The following IRF2 variants were observed in gnomAD, a reference collection of about 807,000 sequenced individuals.
IRF2 encodes the protein interferon regulatory factor 2.
In IRF2, 15 loss-of-function variants were observed where a neutral mutation model predicts 40.6. The observed-to-expected ratio is 0.37, with a 90% CI of 0.25 to 0.57. The LOEUF (loss-of-function observed/expected upper bound fraction) is 0.57. Ranked by LOEUF, IRF2 falls within the 20% of genes least tolerant of loss-of-function variation. The pLI is 0.77. For missense variants in IRF2, 317 were observed against 455.7 expected (o/e 0.70, Z 2.77); for synonymous variants, 151 against 165.5 (o/e 0.91, Z 0.67).
At chr4:184,403,350 C>T (rs1736736432) in intron 6 of IRF2, among the ~76,000 whole-genome samples, 1 of 152,164 alleles carries the variant, frequency 6.6e-6, no homozygotes, top group Non-Finnish European at 1.5e-5. Flanking sequence ...TGACTCCTGA[C>T]AGGTGAAAAG....
At chr4:184,437,239 G>A (rs6833584) in intron 1 of IRF2, among the ~76,000 whole-genome samples, 19,076 of 152,178 alleles carry the variant, frequency 0.13, 1,370 homozygotes, top group East Asian at 0.21. Flanking sequence ...TGTATTTTTA[G>A]TCGAGACGGG....
intron 7 of IRF2, among the ~76,000 whole-genome samples, chr4:184,391,461 G>A (rs1736259338): frequency 6.6e-6 from 1 of 152,254 alleles, no homozygotes; most frequent in East Asian, 1.9e-4. Flanking sequence ...GATAAAGCAA[G>A]CAACCATGTT....
intron 1 of IRF2, among the ~76,000 whole-genome samples, chr4:184,436,648 C>T (rs1241027330): frequency 6.6e-6 from 1 of 152,078 alleles, no homozygotes; most frequent in Non-Finnish European, 1.5e-5. Flanking sequence ...TGGGGAGGTG[C>T]TGTCTAGGCA....
At position 184,388,951 on chromosome 4, in the gene IRF2, G is replaced by A. The variant is rs755056505; in HGVS notation, c.857C>T (p.Pro286Leu). The A allele has an allele frequency of 2.2e-5, 35 of 1,614,060 alleles. No homozygotes were observed. In the Admixed American group the frequency reaches 2.5e-4, roughly 12 times the overall value. ...CTCTTTGATGGTGACCTGGAGGTCC[G>A]GTTTGTTGGAAGTGACGAAGGACGC... is the stretch of plus-strand genomic sequence containing the variant. ...GMASFVTSNK[P>L]DLQVTIKEES... Residue 286 changes from proline to leucine, a missense_variant, in exon 9 of 9, where the codon CCG becomes CTG. Physicochemically the swap from Pro to Leu is moderately conservative, Grantham distance 98. This residue lies in a region of IRF2 where 262 missense variants were observed against 334.0 expected (regional missense o/e 0.78). Transcript: ENST00000393593. The surrounding 1 kb of genome is among the most constrained non-coding windows in gnomAD (Gnocchi z 4.6).
intron 1 of IRF2, among the ~76,000 whole-genome samples, 188 bp from the exon 2 acceptor site, chr4:184,429,258 G>T (rs1367116190): frequency 6.6e-6 from 1 of 152,206 alleles, no homozygotes; most frequent in Non-Finnish European, 1.5e-5. Context: ...CCGGCCAGGG[G>T]GCTATCTGGA....
chr4:184,434,226 A>T (rs758955063), intron 1 of IRF2, among the ~76,000 whole-genome samples: 14 of 152,202 alleles, frequency 9.2e-5, no homozygotes, highest in Non-Finnish European at 1.6e-4. Flanking sequence ...ATGTTTGTCT[A>T]AGAACCAAAA....
intron 6 of IRF2, among the ~76,000 whole-genome samples, chr4:184,402,813 G>A (rs1414153444): frequency 6.6e-6 from 1 of 152,172 alleles, no homozygotes; most frequent in African/African-American, 2.4e-5. Context: ...GAAACGTGTT[G>A]GGGTGATGAA....
At chr4:184,401,833 C>T (rs548959533) in intron 6 of IRF2, among the ~76,000 whole-genome samples, 1 of 152,318 alleles carries the variant, frequency 6.6e-6, no homozygotes, top group East Asian at 1.9e-4. Flanking sequence ...GCCATTTTAA[C>T]TTCCAATATT....
intron 6 of IRF2, among the ~76,000 whole-genome samples, chr4:184,407,898 G>A (rs2241500): frequency 0.44 from 67,306 of 151,940 alleles, 15,635 homozygotes; most frequent in East Asian, 0.56. Context: ...CGCTAGCCAC[G>A]AGCCGCCGGG....
rs573535520 is a variant in IRF2, at chr4:184,442,420, G to A, written c.-6-13350C>T. On this transcript the variant is annotated intron_variant, in intron 1 of 8. Coordinates refer to ENST00000393593, the MANE Select transcript of IRF2 (RefSeq NM_002199.4). ...AATCAGTTGTTTCATTTTAGTTGCTGCTTCTGCCATAAAGCAGGGCCACCT... is the reference window on the plus strand; with the variant it reads ...AATCAGTTGTTTCATTTTAGTTGCTACTTCTGCCATAAAGCAGGGCCACCT... 9.3e-4 allele frequency among the ~76,000 whole-genome samples: 142 copies of A among 152,262 alleles called. 1 individual carries two copies. The highest frequency in any genetic ancestry group is 1.6e-3 in the Non-Finnish European group (108 of 68,024).
At position 184,421,973 on chromosome 4, in the gene IRF2, T is replaced by C. The variant is rs143132941; in HGVS notation, c.88-2405A>G. Reference sequence around the variant, plus strand: ...GTCATGGGGCAGGATCCCTCAAGAATGGCTTGGTGTCGTTCTCGTGGTAAT... The same window carrying C: ...GTCATGGGGCAGGATCCCTCAAGAACGGCTTGGTGTCGTTCTCGTGGTAAT... On this transcript the variant is annotated intron_variant, in intron 2 of 8. Transcript: ENST00000393593. Among the ~76,000 whole-genome samples, 433 of 152,290 alleles carry C rather than the reference T, an allele frequency of 2.8e-3. 8 individuals are homozygous for C. The highest frequency in any genetic ancestry group is 7.7e-4 in the East Asian group (4 of 5,190).
At chr4:184,394,873 G>A (rs1424087152) in intron 7 of IRF2, among the ~76,000 whole-genome samples, 4 of 152,172 alleles carry the variant, frequency 2.6e-5, no homozygotes, top group African/African-American at 9.7e-5. Flanking sequence ...ACTTTGAAAT[G>A]TCCCTCCCTA....
At position 184,387,773 on chromosome 4, in the gene IRF2, T is replaced by C. The variant is rs1373670352; in HGVS notation, c.*985A>G. On this transcript the variant is annotated 3_prime_UTR_variant, in exon 9 of 9. Transcript: ENST00000393593. Reference sequence around the variant, plus strand: ...CATTTATTATCAATCCACAGGAAAATCTGATTGCTACATGAGCTCATAAAA... The same window carrying C: ...CATTTATTATCAATCCACAGGAAAACCTGATTGCTACATGAGCTCATAAAA... 6.6e-6 allele frequency: 1 copy of C among 152,168 alleles called. No homozygotes were observed. The highest frequency in any genetic ancestry group is 1.5e-5 in the Non-Finnish European group (1 of 67,986). The allele number at this position is 152,168 out of a possible 1,614,324, so 9.4% of individuals were successfully genotyped here.
At chr4:184,459,581 C>A (rs1739058809) in intron 1 of IRF2, among the ~76,000 whole-genome samples, 2 of 152,192 alleles carry the variant, frequency 1.3e-5, no homozygotes. Flanking sequence ...GCTACATATA[C>A]TGTAATGGGG....
At chr4:184,451,113 T>A (rs545890358) in intron 1 of IRF2, among the ~76,000 whole-genome samples, 1 of 152,306 alleles carries the variant, frequency 6.6e-6, no homozygotes, top group African/African-American at 2.4e-5. Flanking sequence ...CACTGAACTG[T>A]TTAGATTCCA....
chr4:184,455,349 T>C (rs567069054), intron 1 of IRF2, among the ~76,000 whole-genome samples: 5 of 140,318 alleles, frequency 3.6e-5, no homozygotes, highest in Non-Finnish European at 7.7e-5. Flanking sequence ...CTCCCCATGT[T>C]GCCCAGGCTG....
At chr4:184,442,299 C>A (rs1561116209) in intron 1 of IRF2, among the ~76,000 whole-genome samples, 2 of 152,196 alleles carry the variant, frequency 1.3e-5, no homozygotes, top group East Asian at 1.9e-4. Context: ...AAGATACTCG[C>A]CCTCTCTCCA....
intron 1 of IRF2, among the ~76,000 whole-genome samples, chr4:184,466,373 A>G (rs1217653470): frequency 1.3e-5 from 2 of 152,142 alleles, no homozygotes; most frequent in South Asian, 4.1e-4. Flanking sequence ...TCTTTAGGAA[A>G]ACACATTATC....
At chr4:184,458,771 C>T (rs899202378) in intron 1 of IRF2, among the ~76,000 whole-genome samples, 5 of 152,130 alleles carry the variant, frequency 3.3e-5, no homozygotes, top group Admixed American at 6.6e-5. Flanking sequence ...TTCAGCAAAA[C>T]GAAAAATTTC....
Sources: allele counts gnomAD v4.1 joint callset (sites outside exome capture counted in the v4.1 genomes callset), GRCh38; gene constraint gnomAD v4.1.1; regional missense constraint gnomAD v4.1.1; non-coding constraint Gnocchi (gnomAD v3.1); transcripts MANE v1.5; gene names NCBI Gene and HGNC (gene_info 2026-07-23, HGNC 2026-07-21).